QTMAN: variants seen among roughly 807,000 people sequenced by gnomAD.
QTMAN encodes queuosine-tRNA mannosyltransferase, also known as tRNA-queuosine alpha-mannosyltransferase.
At chr2:144,279,072 C>T in the QTMAN span, among the ~76,000 whole-genome samples, 1 of 152,058 alleles carries the variant, frequency 6.6e-6, no homozygotes, top group Non-Finnish European at 1.5e-5. Flanking sequence ...AATTTGAACC[C>T]AAGTCTCTAT....
chr2:143,978,864 C>A, the QTMAN span, among the ~76,000 whole-genome samples: 1 of 152,148 alleles, frequency 6.6e-6, no homozygotes, highest in Non-Finnish European at 1.5e-5. Context: ...ACATTGTTTT[C>A]CTCCAAGAAA....
At chr2:144,011,031 C>T in the QTMAN span, among the ~76,000 whole-genome samples, 28 of 152,114 alleles carry the variant, frequency 1.8e-4, no homozygotes, top group African/African-American at 6.5e-4. Flanking sequence ...GATAACAATC[C>T]GGTACTTGAA....
At chr2:144,131,434 A>G in the QTMAN span, among the ~76,000 whole-genome samples, 7 of 151,844 alleles carry the variant, frequency 4.6e-5, no homozygotes, top group Non-Finnish European at 1.0e-4. Flanking sequence ...CCAATAACCT[A>G]TTCTAGTAGT....
chr2:144,330,766 G>C, the QTMAN span, among the ~76,000 whole-genome samples: 1 of 152,160 alleles, frequency 6.6e-6, no homozygotes, highest in Non-Finnish European at 1.5e-5. Flanking sequence ...GAATTACCTA[G>C]TTAAGTGTTT....
At chr2:143,984,945 A>T in the QTMAN span, among the ~76,000 whole-genome samples, 1 of 152,196 alleles carries the variant, frequency 6.6e-6, no homozygotes, top group African/African-American at 2.4e-5. Context: ...ACGCTGGACA[A>T]GAACTTGGGT....
At chr2:144,002,975 A>G in the QTMAN span, among the ~76,000 whole-genome samples, 1 of 152,010 alleles carries the variant, frequency 6.6e-6, no homozygotes, top group Admixed American at 6.6e-5. Context: ...TCTTCTACTT[A>G]GACATTATAG....
chr2:144,058,860 TCTC>T, the QTMAN span, among the ~76,000 whole-genome samples: 1 of 152,026 alleles, frequency 6.6e-6, no homozygotes, highest in East Asian at 1.9e-4. Flanking sequence ...TTTCAAAGAG[TCTC>T]CTCAATTCCT....
At chr2:143,957,597 G>T in the QTMAN span, among the ~76,000 whole-genome samples, 1 of 152,024 alleles carries the variant, frequency 6.6e-6, no homozygotes, top group South Asian at 2.1e-4. Flanking sequence ...CATAAAACTC[G>T]CTTAGCAGAC....
the QTMAN span, among the ~76,000 whole-genome samples, chr2:144,004,000 A>T: frequency 2.7e-4 from 41 of 151,996 alleles, no homozygotes; most frequent in Admixed American, 2.7e-3. Context: ...CAAGGTAATG[A>T]CAAGATCTAA....
At chr2:144,229,306 A>G in the QTMAN span, among the ~76,000 whole-genome samples, 2 of 152,322 alleles carry the variant, frequency 1.3e-5, no homozygotes, top group Admixed American at 6.5e-5. Flanking sequence ...TACACTACAT[A>G]TACTTGTTCT....
At chr2:144,050,147 G>A in the QTMAN span, among the ~76,000 whole-genome samples, 5 of 151,806 alleles carry the variant, frequency 3.3e-5, no homozygotes, top group African/African-American at 7.3e-5. Context: ...TTCCATTGTC[G>A]TATTTTTGTT....
At chr2:144,111,771 T>C in the QTMAN span, among the ~76,000 whole-genome samples, 1 of 152,346 alleles carries the variant, frequency 6.6e-6, no homozygotes, top group South Asian at 2.1e-4. Flanking sequence ...GGATCCCTGC[T>C]ATATAATACT....
the QTMAN span, among the ~76,000 whole-genome samples, chr2:144,284,367 C>T: frequency 6.6e-6 from 1 of 151,548 alleles, no homozygotes; most frequent in African/African-American, 2.4e-5. Flanking sequence ...TATGATACAC[C>T]TACATGATAT....
chr2:143,990,779 G>A, the QTMAN span, among the ~76,000 whole-genome samples: 2 of 152,070 alleles, frequency 1.3e-5, no homozygotes, highest in Admixed American at 1.3e-4. Flanking sequence ...AGTCCCATAA[G>A]CAAAGAGAAA....
the QTMAN span, among the ~76,000 whole-genome samples, chr2:144,092,400 CTCCT>C: frequency 0.014 from 2,094 of 152,150 alleles, 47 homozygotes; most frequent in African/African-American, 0.048. Flanking sequence ...TGGTCTTGAT[CTCCT>C]GACCTTGTGA....
At chr2:144,016,246 T>C in the QTMAN span, among the ~76,000 whole-genome samples, 4 of 152,224 alleles carry the variant, frequency 2.6e-5, no homozygotes, top group Admixed American at 1.3e-4. Context: ...ATTACCCATA[T>C]AATCTTTAAA....
chr2:143,991,891 C>A, the QTMAN span, among the ~76,000 whole-genome samples: 1 of 149,430 alleles, frequency 6.7e-6, no homozygotes, highest in East Asian at 2.1e-4. Context: ...TGGCCAGCCA[C>A]CCCGTCCGGG....
chr2:144,142,097 C>A, the QTMAN span: 1 of 1,429,540 alleles, frequency 7.0e-7, no homozygotes, highest in South Asian at 1.2e-5. Flanking sequence ...AGCCCAGACT[C>A]ATTCAGAGTA....
the QTMAN span, among the ~76,000 whole-genome samples, chr2:144,037,625 T>C: frequency 3.0e-4 from 46 of 152,324 alleles, no homozygotes; most frequent in South Asian, 4.1e-4. Context: ...TAATAATCCT[T>C]CTTAAATGTG....
Sources: gnomAD v4.1 joint callset for allele counts (sites outside exome capture counted in the v4.1 genomes callset) on GRCh38, gnomAD v4.1.1 for gene constraint, MANE v1.5 for transcripts, NCBI Gene and HGNC (gene_info 2026-07-23, HGNC 2026-07-21) for gene names.